The following XKR6 variants were observed in gnomAD, a reference collection of about 807,000 sequenced individuals.
XKR6 encodes the protein XK-related protein 6.
A neutral mutation model predicts 56.7 loss-of-function variants in XKR6; 22 were observed. The observed-to-expected ratio is 0.39, with a 90% CI of 0.28 to 0.55. The LOEUF (loss-of-function observed/expected upper bound fraction) is 0.55, where lower values mean the gene tolerates loss of function less well. XKR6 is among the 20% of genes least tolerant of loss of function. The probability of loss-of-function intolerance (pLI) is 0.66; values close to 1 mark genes in which losing one functional copy is unlikely to be tolerated. For missense variants in XKR6, 852 were observed against 889.0 expected, an observed-to-expected ratio of 0.96 and a Z score of 0.53; for synonymous variants, 524 against 387.8, an observed-to-expected ratio of 1.35 and a Z score of -4.13.
At chr8:11,073,463 G>T in intron 1 of XKR6, among the ~76,000 whole-genome samples, 1 of 152,128 alleles carries the variant, frequency 6.6e-6, no homozygotes, top group East Asian at 1.9e-4. Flanking sequence ...CATGCCTAAG[G>T]TGTCAACAGT....
At chr8:10,910,754 T>A (rs935398347) in intron 2 of XKR6, among the ~76,000 whole-genome samples, 2 of 152,228 alleles carry the variant, frequency 1.3e-5, no homozygotes, top group Non-Finnish European at 2.9e-5. Context: ...TTCACTTGTC[T>A]GTTCTTTTTA....
At chr8:11,108,002 C>G in intron 1 of XKR6, 1 of 323,178 alleles carries the variant, frequency 3.1e-6, no homozygotes, top group Non-Finnish European at 6.0e-6. Context: ...TTTCTTCAGG[C>G]TGCTTCATTT....
At chr8:11,042,604 T>C (rs1295267452) in intron 1 of XKR6, among the ~76,000 whole-genome samples, 1 of 152,198 alleles carries the variant, frequency 6.6e-6, no homozygotes, top group African/African-American at 2.4e-5. Context: ...AATTACTCAG[T>C]CTTGGGTATT....
At chr8:11,191,903 G>C (rs528577678) in intron 1 of XKR6, among the ~76,000 whole-genome samples, 1 of 152,096 alleles carries the variant, frequency 6.6e-6, no homozygotes, top group East Asian at 1.9e-4. Flanking sequence ...AATTTTCTTA[G>C]GTGCAATAAT....
At chr8:11,179,355 A>G (rs960888655) in intron 1 of XKR6, among the ~76,000 whole-genome samples, 7 of 152,218 alleles carry the variant, frequency 4.6e-5, no homozygotes, top group Admixed American at 6.5e-5. Context: ...CAGAAAAGAC[A>G]GATTAAAATA....
intron 1 of XKR6, among the ~76,000 whole-genome samples, chr8:11,164,592 T>C (rs1801978310): frequency 6.6e-6 from 1 of 152,234 alleles, no homozygotes; most frequent in Non-Finnish European, 1.5e-5. Flanking sequence ...CATTACATTA[T>C]AAGGTATGTG....
intron 1 of XKR6, among the ~76,000 whole-genome samples, chr8:11,001,284 G>T (rs1798232928): frequency 6.9e-6 from 1 of 145,414 alleles, no homozygotes; most frequent in African/African-American, 2.8e-5. Flanking sequence ...TGAATAAATG[G>T]CCTCTTCATA....
chr8:11,147,221 T>G (rs1047809443), intron 1 of XKR6, among the ~76,000 whole-genome samples: 3 of 152,104 alleles, frequency 2.0e-5, no homozygotes, highest in African/African-American at 7.2e-5. Context: ...CTTATCAAGT[T>G]GTATAAATTA....
intron 1 of XKR6, among the ~76,000 whole-genome samples, chr8:10,941,173 G>A (rs537286952): frequency 6.6e-6 from 1 of 152,070 alleles, no homozygotes; most frequent in Admixed American, 6.5e-5. Context: ...CCTCTCTCCT[G>A]TCCTTCCTCC....
intron 1 of XKR6, among the ~76,000 whole-genome samples, chr8:11,165,292 G>A (rs565415573): frequency 1.3e-5 from 2 of 151,870 alleles, no homozygotes; most frequent in Non-Finnish European, 2.9e-5. Flanking sequence ...TAGAGATGGG[G>A]TTTCACCATG....
chr8:10,981,329 T>C (rs1797730773), intron 1 of XKR6, among the ~76,000 whole-genome samples: 1 of 152,194 alleles, frequency 6.6e-6, no homozygotes, highest in Non-Finnish European at 1.5e-5. Context: ...TGTTTTCGGA[T>C]GCACTGCACG....
chr8:10,919,797 C>G (rs1336548970), intron 2 of XKR6, among the ~76,000 whole-genome samples: 1 of 152,140 alleles, frequency 6.6e-6, no homozygotes, highest in Non-Finnish European at 1.5e-5. Flanking sequence ...CAAGACTCAC[C>G]ACCGGCATAA....
chr8:11,010,811 G>C (rs1220275452), intron 1 of XKR6, among the ~76,000 whole-genome samples: 1 of 149,054 alleles, frequency 6.7e-6, no homozygotes, highest in Non-Finnish European at 1.5e-5. Context: ...TTGACACAAA[G>C]TTAAACCAGG....
At chr8:10,922,976 C>T (rs1045402394) in intron 2 of XKR6, among the ~76,000 whole-genome samples, 1 of 152,226 alleles carries the variant, frequency 6.6e-6, no homozygotes, top group Non-Finnish European at 1.5e-5. Context: ...ACCAGCTGGG[C>T]TGTCACTCCA....
At chr8:10,973,525 G>A (rs141455679) in intron 1 of XKR6, among the ~76,000 whole-genome samples, 17 of 152,314 alleles carry the variant, frequency 1.1e-4, no homozygotes, top group Admixed American at 3.9e-4. Context: ...TAAGAAAACT[G>A]ATGCTCAGGG....
chr8:11,027,178 G>A (rs571139687), intron 1 of XKR6, among the ~76,000 whole-genome samples: 1 of 152,206 alleles, frequency 6.6e-6, no homozygotes, highest in African/African-American at 2.4e-5. Flanking sequence ...TAACACAGTG[G>A]TAAGTATTTG....
chr8:10,900,518 C>T (rs1800005784), intron 2 of XKR6, among the ~76,000 whole-genome samples: 2 of 152,326 alleles, frequency 1.3e-5, no homozygotes, highest in South Asian at 2.1e-4. Flanking sequence ...TTACAATGGG[C>T]ATGTGTGACT....
At chr8:10,959,270 C>A (rs574760279) in intron 1 of XKR6, among the ~76,000 whole-genome samples, 1 of 152,242 alleles carries the variant, frequency 6.6e-6, no homozygotes, top group East Asian at 1.9e-4. Flanking sequence ...TGAGTCCCCT[C>A]GGCTTGCCAT....
chr8:10,983,169 A>T (rs1797774051), intron 1 of XKR6, among the ~76,000 whole-genome samples: 1 of 152,202 alleles, frequency 6.6e-6, no homozygotes, highest in Admixed American at 6.5e-5. Context: ...AAAATTATTT[A>T]AAAATTAATA....
Sources: gnomAD v4.1 joint callset for allele counts (sites outside exome capture counted in the v4.1 genomes callset) on GRCh38, gnomAD v4.1.1 for gene constraint, MANE v1.5 for transcripts, NCBI Gene and HGNC (gene_info 2026-07-23, HGNC 2026-07-21) for gene names.